The following SPATA13 variants were observed in gnomAD, a reference collection of about 807,000 sequenced individuals.
SPATA13 encodes the protein spermatogenesis-associated protein 13.
Under a neutral mutation model 104.0 loss-of-function variants are expected in SPATA13, and 50 were observed. The observed-to-expected ratio is 0.48, with a 90% confidence interval of 0.38 to 0.61. The LOEUF (loss-of-function observed/expected upper bound fraction) is 0.61, where lower values mean the gene tolerates loss of function less well. Ranked by LOEUF, SPATA13 falls within the 20% of genes least tolerant of loss-of-function variation. The pLI is 0.00. For synonymous variants in SPATA13, 606 were observed against 667.5 expected (o/e 0.91, Z 1.42); for missense variants, 1,524 against 1,690.6 (o/e 0.90, Z 1.73).
At chr13:24,123,526 C>T in intron 3 of SPATA13, 1 of 1,611,420 alleles carries the variant, frequency 6.2e-7, no homozygotes, top group Non-Finnish European at 8.5e-7. Context: ...TTTCGAGGGT[C>T]AGCATTTGGT....
At chr13:24,086,221 A>G (rs1198207196) in intron 3 of SPATA13, among the ~76,000 whole-genome samples, 1 of 152,232 alleles carries the variant, frequency 6.6e-6, no homozygotes, top group Non-Finnish European at 1.5e-5. Context: ...TTTCAGATAA[A>G]CAACAAATAT....
chr13:24,106,592 C>T (rs1880462509), intron 3 of SPATA13, among the ~76,000 whole-genome samples: 1 of 152,182 alleles, frequency 6.6e-6, no homozygotes. Flanking sequence ...ACAGCACTCG[C>T]TTTGTGTCTC....
At chr13:24,008,344 A>G (rs1876321970) in intron 2 of SPATA13, among the ~76,000 whole-genome samples, 1 of 152,186 alleles carries the variant, frequency 6.6e-6, no homozygotes, top group African/African-American at 2.4e-5. Context: ...GAACACCTGC[A>G]AAGCCTTGAC....
At chr13:24,153,695 G>A (rs1882172138) in intron 3 of SPATA13, among the ~76,000 whole-genome samples, 1 of 119,244 alleles carries the variant, frequency 8.4e-6, no homozygotes, top group South Asian at 2.7e-4. Flanking sequence ...TATGTATGAA[G>A]AGCACATACT....
intron 1 of SPATA13, among the ~76,000 whole-genome samples, chr13:24,212,821 G>C (rs1271899851): frequency 2.0e-5 from 3 of 152,174 alleles, no homozygotes; most frequent in Non-Finnish European, 2.9e-5. Flanking sequence ...CATAGGTAAG[G>C]GCTCTTGCTG....
Position 24,290,783 on chromosome 13 carries a change from T to C in SPATA13, c.2979T>C (p.Ile993=). ...CCTGCCGCCTGCTGCAGCAGATGAT[T>C]GACATCGCCATCGACGGGTTCCTGC... is the stretch of plus-strand genomic sequence containing the variant. ...FEACRLLQQM[I]DIAIDGFLLT... The change falls in exon 9 of 13, where the codon ATT becomes ATC. Residue 993 remains isoleucine (I), a synonymous_variant. Transcript: ENST00000382108. The C allele has an allele frequency of 1.2e-6, 2 of 1,614,178 alleles. No homozygotes were observed. The highest frequency in any genetic ancestry group is 1.7e-6 in the Non-Finnish European group (2 of 1,180,026).
chr13:24,200,905 G>C (rs1290871999), intron 1 of SPATA13, among the ~76,000 whole-genome samples: 1 of 151,980 alleles, frequency 6.6e-6, no homozygotes, highest in Non-Finnish European at 1.5e-5. Context: ...CTTTAAAATT[G>C]AGGCTCTTGA....
intron 4 of SPATA13, among the ~76,000 whole-genome samples, chr13:24,281,813 G>GA (rs1875544542): frequency 6.6e-6 from 1 of 152,180 alleles, no homozygotes; most frequent in South Asian, 2.1e-4. Flanking sequence ...AGGGGCTGGG[G>GA]CCGGGCTGGG....
At chr13:24,240,360 G>T (rs1872772661) in intron 2 of SPATA13, among the ~76,000 whole-genome samples, 1 of 152,102 alleles carries the variant, frequency 6.6e-6, no homozygotes, top group Non-Finnish European at 1.5e-5. Context: ...GGATGGTCTG[G>T]ATGTTTTTCT....
chr13:24,091,520 G>A (rs370247251), intron 3 of SPATA13, among the ~76,000 whole-genome samples: 3 of 152,214 alleles, frequency 2.0e-5, no homozygotes, highest in African/African-American at 7.2e-5. Context: ...TAAGAATTGA[G>A]CTTTTCAGGC....
chr13:24,299,315 G>C (rs539065431), intron 11 of SPATA13, among the ~76,000 whole-genome samples: 23 of 152,324 alleles, frequency 1.5e-4, no homozygotes, highest in African/African-American at 4.1e-4. Context: ...CCTGTGGCCA[G>C]TGCTCAGAGA....
intron 4 of SPATA13, among the ~76,000 whole-genome samples, chr13:24,279,859 GC>G (rs1371138071): frequency 1.3e-5 from 2 of 152,122 alleles, no homozygotes; most frequent in Admixed American, 6.6e-5. Flanking sequence ...CCTGGCCTCT[GC>G]CCCCCATCTC....
chr13:24,048,953 GACAAA>G (rs1400334825), intron 3 of SPATA13, among the ~76,000 whole-genome samples: 5 of 152,168 alleles, frequency 3.3e-5, no homozygotes, highest in South Asian at 2.1e-4. Flanking sequence ...AGAAAAAAAT[GACAAA>G]ACAAAACAAA....
chr13:24,000,133 A>G (rs901746408), intron 2 of SPATA13, among the ~76,000 whole-genome samples: 2 of 152,248 alleles, frequency 1.3e-5, no homozygotes, highest in Non-Finnish European at 2.9e-5. Context: ...ATGTTGATCA[A>G]ATGAGCACAA....
intron 4 of SPATA13, among the ~76,000 whole-genome samples, chr13:24,273,725 A>G (rs757896635): frequency 1.1e-4 from 16 of 152,244 alleles, no homozygotes; most frequent in Non-Finnish European, 2.1e-4. Context: ...TTAGTCTAAC[A>G]TGTTTATAGA....
chr13:24,279,149 A>C lies in SPATA13; in HGVS notation c.2165-4986A>C, dbSNP rs145585463. On this transcript the variant is annotated intron_variant, in intron 4 of 12. Coordinates refer to ENST00000382108, the MANE Select transcript of SPATA13 (RefSeq NM_001166271.3). Reference sequence around the variant, plus strand: ...CAAATGCTATGGAGAAAACTAAACCAGGGGAGACAGTGGAGTGAGAGTGAG... The same window carrying C: ...CAAATGCTATGGAGAAAACTAAACCCGGGGAGACAGTGGAGTGAGAGTGAG... 4.3e-3 allele frequency among the ~76,000 whole-genome samples: 658 copies of C among 152,336 alleles called. 4 individuals carry two copies. Among genetic ancestry groups the C allele is most frequent in the African/African-American group, 0.015 (626 of 41,582 alleles).
At chr13:24,020,224 T>A (rs1420568361) in intron 3 of SPATA13, among the ~76,000 whole-genome samples, 1 of 152,240 alleles carries the variant, frequency 6.6e-6, no homozygotes, top group Non-Finnish European at 1.5e-5. Context: ...TTTTACTTAG[T>A]TCCTTGTTTT....
rs115953846 is a variant in SPATA13, at chr13:24,246,578, G to T, written c.1654-2899G>T. On this transcript the variant is annotated intron_variant, in intron 2 of 12. Coordinates refer to ENST00000382108, the MANE Select transcript of SPATA13 (RefSeq NM_001166271.3). Reference sequence around the variant, plus strand: ...AGAGTTCATAGAAAAATGTGACTCAGGCCGGGTGTGGTGGCTCACGCCTGT... The same window carrying T: ...AGAGTTCATAGAAAAATGTGACTCATGCCGGGTGTGGTGGCTCACGCCTGT... 7.6e-3 allele frequency among the ~76,000 whole-genome samples: 1,157 copies of T among 152,274 alleles called. 7 individuals carry two copies. The highest frequency in any genetic ancestry group is 0.025 in the African/African-American group (1,027 of 41,544).
At chr13:24,059,241 G>A (rs761873830) in intron 3 of SPATA13, among the ~76,000 whole-genome samples, 3 of 151,664 alleles carry the variant, frequency 2.0e-5, no homozygotes, top group Non-Finnish European at 4.4e-5. Flanking sequence ...AAAGTGCTGG[G>A]ATTACAGGTG....
Sources: allele counts gnomAD v4.1 joint callset (sites outside exome capture counted in the v4.1 genomes callset), GRCh38; gene constraint gnomAD v4.1.1; transcripts MANE v1.5; gene names NCBI Gene and HGNC (gene_info 2026-07-23, HGNC 2026-07-21).